IRAK2: variants seen among roughly 807,000 people sequenced by gnomAD.
IRAK2 encodes the protein interleukin 1 receptor associated kinase 2.
Under a neutral mutation model 72.0 loss-of-function variants are expected in IRAK2, and 57 were observed. The ratio of observed to expected loss-of-function variants is 0.79; its 90% CI spans 0.64 to 0.99. The LOEUF is 0.99. Ranked by LOEUF, IRAK2 falls within the 50% of genes least tolerant of loss-of-function variation. IRAK2 has a pLI of 0.00. For synonymous variants in IRAK2, 293 were observed against 312.7 expected (o/e 0.94, Z 0.67); for missense variants, 790 against 794.4 (o/e 0.99, Z 0.07).
At chr3:10,229,799 T>C (rs1575988276) in intron 10 of IRAK2, among the ~76,000 whole-genome samples, 1 of 152,168 alleles carries the variant, frequency 6.6e-6, no homozygotes. Flanking sequence ...AACATTCTTA[T>C]TTTAAAAAAA....
At chr3:10,168,234 A>T (rs1261846841) in intron 1 of IRAK2, among the ~76,000 whole-genome samples, 1 of 148,688 alleles carries the variant, frequency 6.7e-6, no homozygotes, top group East Asian at 2.0e-4. Flanking sequence ...TTTTTGAGAC[A>T]GAGTCTCGCT....
intron 1 of IRAK2, among the ~76,000 whole-genome samples, chr3:10,168,402 G>A (rs1339670358): frequency 2.6e-5 from 4 of 151,748 alleles, no homozygotes; most frequent in South Asian, 2.1e-4. Flanking sequence ...GTAGAGACAG[G>A]GTTTCACCGT....
At position 10,238,934 on chromosome 3, in the gene IRAK2, C is replaced by T. The variant is rs1362323693; in HGVS notation, c.1660C>T (p.Pro554Ser). The change falls in exon 12 of 13, where the codon CCA (proline) becomes TCA (serine). Residue 554 changes from proline to serine, a missense_variant. Coordinates refer to ENST00000256458, the MANE Select transcript of IRAK2 (RefSeq NM_001570.4). ...GGCACCCTGGGCAGGGGCTGCCACC[C>T]CACTTCTCCCCACAGAGAATGGGGA... ...SVAPWAGAATPLLPTENGEGR... is the reference protein window; with the variant it reads ...SVAPWAGAATSLLPTENGEGR... 4.3e-6 allele frequency: 7 copies of T among 1,613,974 alleles called. No individual in the cohort carries two copies. The highest frequency in any genetic ancestry group is 5.9e-6 in the Non-Finnish European group (7 of 1,180,006).
At chr3:10,196,482 C>T (rs1697267049) in intron 2 of IRAK2, among the ~76,000 whole-genome samples, 1 of 152,224 alleles carries the variant, frequency 6.6e-6, no homozygotes, top group South Asian at 2.1e-4. Flanking sequence ...GACAGTGATC[C>T]TGTGATTCCT....
chr3:10,226,243 C>A, intron 9 of IRAK2, 128 bp from the exon 10 acceptor site: 1 of 620,084 alleles, frequency 1.6e-6, no homozygotes, highest in Non-Finnish European at 2.8e-6. Flanking sequence ...AGATTTTGGG[C>A]AGGTGTGTCT....
At chr3:10,227,222 C>T (rs754552110) in intron 10 of IRAK2, among the ~76,000 whole-genome samples, 9 of 151,860 alleles carry the variant, frequency 5.9e-5, no homozygotes, top group Admixed American at 1.3e-4. Context: ...CCAAGGCGGG[C>T]GGATCACTTG....
At chr3:10,182,673 A>G (rs1696979196) in intron 2 of IRAK2, among the ~76,000 whole-genome samples, 1 of 151,272 alleles carries the variant, frequency 6.6e-6, no homozygotes, top group East Asian at 1.9e-4. Context: ...AGCCTCCCAA[A>G]GTGCTGGGAT....
At chr3:10,189,944 C>A (rs1290582121) in intron 2 of IRAK2, among the ~76,000 whole-genome samples, 1 of 151,898 alleles carries the variant, frequency 6.6e-6, no homozygotes, top group Non-Finnish European at 1.5e-5. Context: ...AAACCACAGG[C>A]CAGGGGTCAG....
intron 4 of IRAK2, among the ~76,000 whole-genome samples, chr3:10,210,289 G>A (rs1325316533): frequency 2.0e-5 from 3 of 152,114 alleles, no homozygotes; most frequent in Admixed American, 2.0e-4. Flanking sequence ...GCTGAGGCGG[G>A]AGGATGGCTT....
In IRAK2 at chr3:10,200,531, C is replaced by T. The variant is rs1207493070; in HGVS notation, c.424+16C>T. The T allele has an allele frequency of 6.5e-7, 1 of 1,542,088 alleles. No homozygotes were observed. Among genetic ancestry groups the T allele is most frequent in the Non-Finnish European group, 8.8e-7 (1 of 1,140,804 alleles). On this transcript the variant is annotated intron_variant, in intron 3 of 12. Transcript: ENST00000256458. ...CCAGGCCCAGGTATTTTAAATTTAA[C>T]TTTTTTACTTAAAGCACTTTTATTT...
intron 1 of IRAK2, among the ~76,000 whole-genome samples, chr3:10,170,082 C>T (rs1425260940): frequency 2.6e-5 from 4 of 152,162 alleles, no homozygotes; most frequent in African/African-American, 9.7e-5. Flanking sequence ...GGTCAGAAGT[C>T]CTAACTCAGG....
chr3:10,186,956 T>C (rs1333109630), intron 2 of IRAK2, among the ~76,000 whole-genome samples: 1 of 146,306 alleles, frequency 6.8e-6, no homozygotes, highest in Non-Finnish European at 1.5e-5. Flanking sequence ...CAAACCACCA[T>C]GCCCAGCTAA....
At chr3:10,240,543 C>T (rs1257502322) in intron 12 of IRAK2, among the ~76,000 whole-genome samples, 2 of 18,152 alleles carry the variant, frequency 1.1e-4, no homozygotes, top group African/African-American at 5.6e-4. Flanking sequence ...GGAAGCCCCC[C>T]CCCCCCCCCC....
chr3:10,206,613 T>C (rs1362027550), intron 3 of IRAK2, among the ~76,000 whole-genome samples: 1 of 152,226 alleles, frequency 6.6e-6, no homozygotes, highest in African/African-American at 2.4e-5. Flanking sequence ...TGGAGTGCAG[T>C]GGTATGATCT....
At chr3:10,204,241 G>A (rs1262846618) in intron 3 of IRAK2, among the ~76,000 whole-genome samples, 1 of 152,226 alleles carries the variant, frequency 6.6e-6, no homozygotes. Flanking sequence ...GCTCAGATAA[G>A]TGAGGCACAG....
chr3:10,189,049 C>T (rs1324460199), intron 2 of IRAK2, among the ~76,000 whole-genome samples: 2 of 152,232 alleles, frequency 1.3e-5, no homozygotes, highest in African/African-American at 4.8e-5. Context: ...CCTCATGGAG[C>T]TTACAGTCCA....
intron 12 of IRAK2, among the ~76,000 whole-genome samples, chr3:10,241,122 C>T (rs1698052976): frequency 6.6e-6 from 1 of 151,638 alleles, no homozygotes; most frequent in Non-Finnish European, 1.5e-5. Context: ...TGAAAATGCT[C>T]ATTACAGCTG....
At chr3:10,195,275 G>T (rs1697245521) in intron 2 of IRAK2, among the ~76,000 whole-genome samples, 1 of 152,228 alleles carries the variant, frequency 6.6e-6, no homozygotes, top group African/African-American at 2.4e-5. Flanking sequence ...TAGGACACTG[G>T]ACTGGGAGCA....
chr3:10,200,739 AT>A (rs1478965632), intron 3 of IRAK2, among the ~76,000 whole-genome samples: 1 of 152,134 alleles, frequency 6.6e-6, no homozygotes, highest in East Asian at 1.9e-4. Flanking sequence ...TCTACAAAAA[AT>A]TTTAAAAAAA....
Sources: gnomAD v4.1 joint callset for allele counts (sites outside exome capture counted in the v4.1 genomes callset) on GRCh38, gnomAD v4.1.1 for gene constraint, MANE v1.5 for transcripts, NCBI Gene and HGNC (gene_info 2026-07-23, HGNC 2026-07-21) for gene names.